Variants in CWC27 observed in about 807,000 individuals in gnomAD.
CWC27 encodes the protein CWC27 spliceosome associated cyclophilin.
A neutral mutation model predicts 63.6 loss-of-function variants in CWC27; 47 were observed. The ratio of observed to expected loss-of-function variants is 0.74; its 90% confidence interval spans 0.58 to 0.94. The LOEUF (loss-of-function observed/expected upper bound fraction) is 0.94. CWC27 is among the 40% of genes least tolerant of loss of function. The pLI is 0.00. For synonymous variants in CWC27, 175 were observed against 179.8 expected, an observed-to-expected ratio of 0.97 and a Z score of 0.22; for missense variants, 495 against 554.3, an observed-to-expected ratio of 0.89 and a Z score of 1.07.
At chr5:64,914,711 T>C (rs1472706577) in intron 11 of CWC27, among the ~76,000 whole-genome samples, 1 of 152,152 alleles carries the variant, frequency 6.6e-6, no homozygotes, top group Non-Finnish European at 1.5e-5. Flanking sequence ...AGACATTTTC[T>C]GCCACAGTTA....
At chr5:64,882,030 T>A (rs1207001971) in intron 10 of CWC27, among the ~76,000 whole-genome samples, 1 of 152,214 alleles carries the variant, frequency 6.6e-6, no homozygotes, top group Non-Finnish European at 1.5e-5. Context: ...AGTTCCATTT[T>A]TATGTCATGC....
chr5:64,833,043 T>C lies in CWC27; in HGVS notation c.938+28657T>C, dbSNP rs1159691762. On this transcript the variant is annotated intron_variant, in intron 10 of 13. Coordinates refer to ENST00000381070, the MANE Select transcript of CWC27 (RefSeq NM_005869.4). ...TTTTCTCGTTTGTAAAGTGAACTTA[T>C]AATAGTATTACATTATAGGATTTGT... is the stretch of plus-strand genomic sequence containing the variant. 3.3e-5 allele frequency among the ~76,000 whole-genome samples: 5 copies of C among 151,840 alleles called. No individual in the cohort carries two copies. The South Asian group carries it at 8.3e-4, about 25-fold the overall frequency.
At chr5:64,785,083 T>C (rs533453626) in intron 4 of CWC27, among the ~76,000 whole-genome samples, 12 of 152,316 alleles carry the variant, frequency 7.9e-5, no homozygotes, top group African/African-American at 2.9e-4. Context: ...TACTTTTAGG[T>C]TGTTTGTGAG....
chr5:64,903,879 T>G (rs1219262073), intron 11 of CWC27, among the ~76,000 whole-genome samples: 6 of 152,226 alleles, frequency 3.9e-5, no homozygotes, highest in Non-Finnish European at 7.3e-5. Flanking sequence ...TTTCAGAGTT[T>G]ATCCACATTG....
At chr5:64,816,672 C>T (rs1273154346) in intron 10 of CWC27, among the ~76,000 whole-genome samples, 2 of 152,056 alleles carry the variant, frequency 1.3e-5, no homozygotes, top group South Asian at 2.1e-4. Flanking sequence ...AGATAAACTA[C>T]CTTTCAGGTT....
At chr5:64,827,144 T>G (rs1372020150) in intron 10 of CWC27, among the ~76,000 whole-genome samples, 2 of 152,168 alleles carry the variant, frequency 1.3e-5, no homozygotes, top group Non-Finnish European at 2.9e-5. Flanking sequence ...AATAACATAC[T>G]TGATATTTGT....
At chr5:64,791,650 C>T (rs915726567) in intron 7 of CWC27, among the ~76,000 whole-genome samples, 5 of 152,074 alleles carry the variant, frequency 3.3e-5, no homozygotes, top group South Asian at 2.1e-4. Context: ...ATTAAGTTAT[C>T]ATCAAATGCT....
intron 10 of CWC27, among the ~76,000 whole-genome samples, chr5:64,884,829 A>C (rs1214781787): frequency 1.3e-5 from 2 of 152,206 alleles, no homozygotes; most frequent in Admixed American, 1.3e-4. Flanking sequence ...TTTACTTCTA[A>C]GTTTGTCTTT....
chr5:64,907,031 T>C (rs552908543), intron 11 of CWC27, among the ~76,000 whole-genome samples: 1 of 152,338 alleles, frequency 6.6e-6, no homozygotes, highest in South Asian at 2.1e-4. Flanking sequence ...TCTGTATATC[T>C]GTTTTGGTAC....
At chr5:64,965,749 C>T (rs1749002251) in intron 11 of CWC27, among the ~76,000 whole-genome samples, 1 of 152,112 alleles carries the variant, frequency 6.6e-6, no homozygotes, top group Admixed American at 6.6e-5. Context: ...AAATGTAGAT[C>T]CTATCACCAA....
intron 11 of CWC27, among the ~76,000 whole-genome samples, chr5:64,916,446 A>G (rs958531754): frequency 2.6e-5 from 4 of 152,200 alleles, no homozygotes; most frequent in African/African-American, 7.2e-5. Flanking sequence ...ATGAAGTACA[A>G]TTTAAGCCAT....
rs772015435 is a variant in CWC27, at chr5:65,018,224, CAG to C, written c.1324_1325del (p.Asp442TyrfsTer3). The C allele has an allele frequency of 6.2e-7, 1 of 1,608,940 alleles. No individual in the cohort carries two copies. Among genetic ancestry groups the C allele is most frequent in the African/African-American group, 1.3e-5 (1 of 74,650 alleles). ...GTGAAAGATGCAAGCATGCAAGACT[CAG>C]ATACATTTGAAATCTATGATCCTCG... On this transcript the variant is annotated frameshift_variant, in exon 14 of 14. Coordinates refer to ENST00000381070, the MANE Select transcript of CWC27 (RefSeq NM_005869.4). LOFTEE classifies it high-confidence loss of function.
chr5:64,937,188 TATG>T (rs1219068409), intron 11 of CWC27, among the ~76,000 whole-genome samples: 1 of 152,200 alleles, frequency 6.6e-6, no homozygotes, highest in Non-Finnish European at 1.5e-5. Flanking sequence ...ATTGTAATGT[TATG>T]GTGTCGATTT....
intron 10 of CWC27, among the ~76,000 whole-genome samples, chr5:64,874,020 G>A (rs1189444028): frequency 6.6e-6 from 1 of 151,872 alleles, no homozygotes. Flanking sequence ...AATTTATGGT[G>A]TCTCAAGTGT....
At chr5:65,013,858 T>C (rs1441331269) in intron 13 of CWC27, among the ~76,000 whole-genome samples, 1 of 152,198 alleles carries the variant, frequency 6.6e-6, no homozygotes, top group African/African-American at 2.4e-5. Flanking sequence ...ATAAGTAATT[T>C]AAATTCATTT....
chr5:64,889,132 T>C (rs1747158729), intron 11 of CWC27, among the ~76,000 whole-genome samples: 1 of 152,136 alleles, frequency 6.6e-6, no homozygotes, highest in South Asian at 2.1e-4. Context: ...CAAGGAATGA[T>C]TGATGAATTG....
At chr5:64,892,713 A>G (rs1183847251) in intron 11 of CWC27, among the ~76,000 whole-genome samples, 2 of 152,138 alleles carry the variant, frequency 1.3e-5, no homozygotes, top group African/African-American at 4.8e-5. Context: ...GATATAGAGG[A>G]TGATGGATGT....
At chr5:64,853,506 A>T (rs887537619) in intron 10 of CWC27, among the ~76,000 whole-genome samples, 3 of 152,218 alleles carry the variant, frequency 2.0e-5, no homozygotes, top group African/African-American at 4.8e-5. Context: ...TAACCATTAT[A>T]TTAGTCCATT....
At chr5:64,856,250 T>C (rs1016688975) in intron 10 of CWC27, among the ~76,000 whole-genome samples, 1 of 152,098 alleles carries the variant, frequency 6.6e-6, no homozygotes, top group Non-Finnish European at 1.5e-5. Flanking sequence ...TTTTTTTAAA[T>C]GGTAATACAC....
Sources: gnomAD v4.1 joint callset for allele counts (sites outside exome capture counted in the v4.1 genomes callset) on GRCh38, gnomAD v4.1.1 for gene constraint, MANE v1.5 for transcripts, NCBI Gene and HGNC (gene_info 2026-07-23, HGNC 2026-07-21) for gene names.